Variants in CDH13 observed in about 807,000 individuals in gnomAD.
CDH13 encodes the protein cadherin 13, also known as cadherin-13.
In CDH13, 24 loss-of-function variants were observed where a neutral mutation model predicts 63.8. The ratio of observed to expected loss-of-function variants is 0.38; its 90% confidence interval spans 0.27 to 0.53. CDH13 has a LOEUF of 0.53. CDH13 is among the 20% of genes least tolerant of loss of function. The probability of loss-of-function intolerance (pLI) is 0.85; values close to 1 mark genes in which losing one functional copy is unlikely to be tolerated. For synonymous variants in CDH13, 503 were observed against 355.3 expected, an observed-to-expected ratio of 1.42 and a Z score of -4.67; for missense variants, 1,049 against 903.1, an observed-to-expected ratio of 1.16 and a Z score of -2.07.
intron 1 of CDH13, among the ~76,000 whole-genome samples, chr16:82,732,698 G>T (rs2033467039): frequency 6.6e-6 from 1 of 152,152 alleles, no homozygotes; most frequent in Non-Finnish European, 1.5e-5. Flanking sequence ...AGTGACCACA[G>T]ATATCTAACC....
At chr16:83,143,861 T>G (rs182212264) in intron 4 of CDH13, among the ~76,000 whole-genome samples, 6 of 152,138 alleles carry the variant, frequency 3.9e-5, no homozygotes, top group Non-Finnish European at 7.4e-5. Flanking sequence ...ATCCTTGGAA[T>G]TTGCTGCTTT....
chr16:83,457,324 G>C (rs1159439206), intron 6 of CDH13, among the ~76,000 whole-genome samples: 4 of 152,158 alleles, frequency 2.6e-5, no homozygotes, highest in African/African-American at 9.7e-5. Context: ...AGTAGTGTCT[G>C]TGTTAGTATT....
chr16:83,239,554 G>A (rs1904298761), intron 5 of CDH13, among the ~76,000 whole-genome samples: 1 of 152,006 alleles, frequency 6.6e-6, no homozygotes, highest in Non-Finnish European at 1.5e-5. Context: ...CTTTCTCTAA[G>A]ATTCTGGAGT....
intron 2 of CDH13, among the ~76,000 whole-genome samples, chr16:83,026,879 C>A (rs567889995): frequency 2.0e-4 from 30 of 152,156 alleles, no homozygotes; most frequent in Non-Finnish European, 3.7e-4. Flanking sequence ...AAGGCACCAC[C>A]TCTGACTTCA....
intron 8 of CDH13, among the ~76,000 whole-genome samples, chr16:83,651,875 G>A (rs981847901): frequency 3.9e-5 from 6 of 152,282 alleles, no homozygotes; most frequent in East Asian, 1.9e-4. Flanking sequence ...AATTACAGGC[G>A]TGAGCCACCA....
chr16:83,566,465 T>C (rs1486737092), intron 7 of CDH13, among the ~76,000 whole-genome samples: 1 of 152,014 alleles, frequency 6.6e-6, no homozygotes, highest in Non-Finnish European at 1.5e-5. Context: ...CAGCCACATA[T>C]ACTGTTAGAT....
In CDH13 at chr16:83,345,141, G is replaced by A. The variant is rs373517919; in HGVS notation, c.781+135G>A. 414 of 960,800 alleles carry A rather than the reference G, an allele frequency of 4.3e-4. 2 individuals are homozygous for A. The African/African-American group carries it at 5.1e-3, about 12-fold the overall frequency. The allele number at this position is 960,800 out of a possible 1,614,324, so 59.5% of individuals were successfully genotyped here. On this transcript the variant is annotated intron_variant, in intron 6 of 13. Transcript: ENST00000567109. ...CAGCGTCGACTTAATACTTCCCTGC[G>A]TAGAAGCCAGGTTGGAAAGCTAAAG...
intron 5 of CDH13, among the ~76,000 whole-genome samples, chr16:83,244,769 A>T (rs568928986): frequency 2.6e-5 from 4 of 152,216 alleles, no homozygotes; most frequent in Non-Finnish European, 4.4e-5. Flanking sequence ...CACACGGGAC[A>T]CACTTAATTC....
intron 1 of CDH13, among the ~76,000 whole-genome samples, chr16:82,650,652 C>G (rs1025612102): frequency 1.3e-5 from 2 of 152,156 alleles, no homozygotes; most frequent in Non-Finnish European, 2.9e-5. Context: ...CCACATCCCC[C>G]TACCTCTCTA....
chr16:83,153,187 G>T (rs1465664239), intron 4 of CDH13, among the ~76,000 whole-genome samples: 1 of 152,134 alleles, frequency 6.6e-6, no homozygotes, highest in Non-Finnish European at 1.5e-5. Context: ...CAATTTGGTG[G>T]GAGGGGAGGG....
intron 1 of CDH13, among the ~76,000 whole-genome samples, chr16:82,642,539 A>G (rs571449999): frequency 2.0e-5 from 3 of 152,310 alleles, no homozygotes; most frequent in South Asian, 4.1e-4. Flanking sequence ...TTAAATGTGC[A>G]TATGATGAGA....
intron 6 of CDH13, among the ~76,000 whole-genome samples, chr16:83,349,592 T>A (rs1360547136): frequency 6.6e-6 from 1 of 151,458 alleles, no homozygotes; most frequent in Non-Finnish European, 1.5e-5. Context: ...ATTATTATTA[T>A]TATTATTATT....
At chr16:83,121,498 A>G (rs2035573306) in intron 3 of CDH13, among the ~76,000 whole-genome samples, 1 of 152,218 alleles carries the variant, frequency 6.6e-6, no homozygotes, top group South Asian at 2.1e-4. Flanking sequence ...CGCTTGCTGT[A>G]TCATTATTAT....
At chr16:83,349,225 G>T (rs1395010253) in intron 6 of CDH13, among the ~76,000 whole-genome samples, 1 of 152,212 alleles carries the variant, frequency 6.6e-6, no homozygotes. Flanking sequence ...CCCAAGCCAA[G>T]GCTCTGGCTG....
chr16:83,083,124 G>T (rs1467958132), intron 3 of CDH13, among the ~76,000 whole-genome samples: 1 of 152,102 alleles, frequency 6.6e-6, no homozygotes, highest in Non-Finnish European at 1.5e-5. Flanking sequence ...AAAGTAATTG[G>T]ACATTTATAA....
At chr16:83,232,528 A>AACG (rs1180923877) in intron 5 of CDH13, among the ~76,000 whole-genome samples, 1 of 145,520 alleles carries the variant, frequency 6.9e-6, no homozygotes, top group African/African-American at 2.7e-5. Flanking sequence ...TGTCTCAAAA[A>AACG]ACGACAACAA....
chr16:83,635,876 G>C (rs1911217448), intron 8 of CDH13, among the ~76,000 whole-genome samples: 1 of 151,926 alleles, frequency 6.6e-6, no homozygotes, highest in African/African-American at 2.4e-5. Flanking sequence ...GGAATTCTTT[G>C]CCTAGCCCTA....
intron 5 of CDH13, among the ~76,000 whole-genome samples, chr16:83,264,433 A>G (rs1238600265): frequency 1.3e-5 from 2 of 152,134 alleles, no homozygotes; most frequent in Non-Finnish European, 2.9e-5. Flanking sequence ...AGAAATATAT[A>G]TACTTATATG....
At chr16:83,553,204 C>T (rs1025036696) in intron 7 of CDH13, among the ~76,000 whole-genome samples, 5 of 152,224 alleles carry the variant, frequency 3.3e-5, no homozygotes, top group African/African-American at 7.2e-5. Context: ...CGGAGCAGTC[C>T]TAACATTCCA....
Sources: allele counts gnomAD v4.1 joint callset (sites outside exome capture counted in the v4.1 genomes callset), GRCh38; gene constraint gnomAD v4.1.1; transcripts MANE v1.5; gene names NCBI Gene and HGNC (gene_info 2026-07-23, HGNC 2026-07-21).